Variants in CNPY1 observed in about 807,000 individuals in gnomAD.
CNPY1 encodes canopy FGF signaling regulator 1.
CNPY1 carries 14 observed loss-of-function variants against 14.4 expected under a neutral mutation model. That is an observed-to-expected ratio of 0.97 (90% CI 0.64 to 1.52). CNPY1 has a LOEUF of 1.52. Among genes scored for constraint, CNPY1 ranks in the 40% most tolerant of loss-of-function variants. The probability of loss-of-function intolerance (pLI) is 0.00; values close to 1 mark genes in which losing one functional copy is unlikely to be tolerated. For synonymous variants in CNPY1, 43 were observed against 46.5 expected, an observed-to-expected ratio of 0.92 and a Z score of 0.31; for missense variants, 129 against 131.5, an observed-to-expected ratio of 0.98 and a Z score of 0.09.
chr7:155,534,510 C>G (rs1796999889), intron 2 of CNPY1, among the ~76,000 whole-genome samples: 1 of 152,236 alleles, frequency 6.6e-6, no homozygotes, highest in Non-Finnish European at 1.5e-5. Context: ...GAGTTTCCAC[C>G]CTGGCCTGAT....
At chr7:155,509,258 A>G (rs772907751) in intron 2 of CNPY1, among the ~76,000 whole-genome samples, 161 bp from the exon 3 acceptor site, 8 of 152,222 alleles carry the variant, frequency 5.3e-5, no homozygotes, top group Non-Finnish European at 8.8e-5. Context: ...TGTTATTACA[A>G]TGTAACAACG....
At chr7:155,525,267 G>A (rs923328374) in intron 2 of CNPY1, among the ~76,000 whole-genome samples, 8 of 151,938 alleles carry the variant, frequency 5.3e-5, no homozygotes, top group African/African-American at 1.9e-4. Context: ...TGCAACCTCC[G>A]CCTCCTGGGT....
intron 2 of CNPY1, among the ~76,000 whole-genome samples, chr7:155,544,803 G>T (rs1025560575): frequency 1.3e-5 from 2 of 152,334 alleles, no homozygotes; most frequent in Non-Finnish European, 2.9e-5. Context: ...ATCCATCCTT[G>T]AGTGTGCCTT....
At chr7:155,514,808 C>T (rs1025380612) in intron 2 of CNPY1, among the ~76,000 whole-genome samples, 2 of 152,232 alleles carry the variant, frequency 1.3e-5, no homozygotes, top group South Asian at 2.1e-4. Context: ...GCGGGAGAAT[C>T]GCTTGAACCC....
At chr7:155,532,546 G>A (rs1229931302) in intron 2 of CNPY1, among the ~76,000 whole-genome samples, 3 of 151,956 alleles carry the variant, frequency 2.0e-5, no homozygotes, top group Admixed American at 6.5e-5. Context: ...GCGTGAACCC[G>A]GGAGGCGGAG....
intron 2 of CNPY1, among the ~76,000 whole-genome samples, chr7:155,520,428 C>CTTTTTTTTTTTT (rs71522007): frequency 2.9e-4 from 20 of 69,434 alleles, no homozygotes; most frequent in African/African-American, 3.7e-4. Flanking sequence ...TTCTTTCTTT[C>CTTTTTTTTTTTT]TTTTTTTTTT....
At chr7:155,521,251 A>G (rs1017885739) in intron 2 of CNPY1, among the ~76,000 whole-genome samples, 3 of 152,194 alleles carry the variant, frequency 2.0e-5, no homozygotes, top group Admixed American at 2.0e-4. Flanking sequence ...GATCACATGC[A>G]TTCCGTAAAC....
intron 2 of CNPY1, among the ~76,000 whole-genome samples, chr7:155,515,788 T>C (rs576021026): frequency 1.6e-4 from 24 of 152,228 alleles, no homozygotes; most frequent in Non-Finnish European, 2.9e-4. Flanking sequence ...GTTCATTTTC[T>C]GGTTCCCAGG....
chr7:155,512,883 T>C (rs1396685829), intron 2 of CNPY1, among the ~76,000 whole-genome samples: 3 of 152,262 alleles, frequency 2.0e-5, no homozygotes, highest in Admixed American at 2.0e-4. Context: ...ATTTTCTTTC[T>C]AGAGGTTTAG....
At chr7:155,538,640 G>C (rs1049252041) in intron 2 of CNPY1, among the ~76,000 whole-genome samples, 27 of 152,216 alleles carry the variant, frequency 1.8e-4, no homozygotes, top group African/African-American at 6.3e-4. Context: ...GGCGTTAGAG[G>C]CCCTCCTGAC....
intron 4 of CNPY1, among the ~76,000 whole-genome samples, chr7:155,503,904 TAC>T (rs1796206127): frequency 6.6e-6 from 1 of 152,218 alleles, no homozygotes; most frequent in African/African-American, 2.4e-5. Context: ...ATTTCTAAGT[TAC>T]AGTGCTCTGT....
chr7:155,514,701 C>A (rs1440673888), intron 2 of CNPY1, among the ~76,000 whole-genome samples: 3 of 152,076 alleles, frequency 2.0e-5, no homozygotes, highest in African/African-American at 7.2e-5. Context: ...TCAAGACCAG[C>A]CTGACCAACA....
chr7:155,515,350 CG>C lies in CNPY1; in HGVS notation c.100-6254del, dbSNP rs1411402712. On this transcript the variant is annotated intron_variant, in intron 2 of 4. Transcript: ENST00000636446. ...TCTTTCACATCCTAAGAACAGGCCT[CG>C]GTGATTAGAACAAGAGGCTCTTCCA... Among the ~76,000 whole-genome samples the C allele has an allele frequency of 2.1e-5, 3 of 142,610 alleles. No individual in the cohort carries two copies. In the East Asian group the frequency reaches 7.3e-4, roughly 35 times the overall value. The allele number at this position is 142,610 out of a possible 152,430, so 93.6% of individuals were successfully genotyped here. A position where few individuals can be genotyped will look rare whatever the true frequency, so the allele number is the denominator to read the frequency against.
chr7:155,510,923 A>G (rs982812092), intron 2 of CNPY1, among the ~76,000 whole-genome samples: 5 of 152,272 alleles, frequency 3.3e-5, no homozygotes, highest in Non-Finnish European at 7.3e-5. Context: ...AAGACAGATC[A>G]TTAGCGGAAA....
chr7:155,520,428 C>CTTTTTTTTTT (rs71522007), intron 2 of CNPY1, among the ~76,000 whole-genome samples: 9 of 69,436 alleles, frequency 1.3e-4, no homozygotes, highest in Non-Finnish European at 2.0e-4. Context: ...TTCTTTCTTT[C>CTTTTTTTTTT]TTTTTTTTTT....
At chr7:155,537,323 G>A (rs1448810688) in intron 2 of CNPY1, among the ~76,000 whole-genome samples, 2 of 152,132 alleles carry the variant, frequency 1.3e-5, no homozygotes, top group Non-Finnish European at 2.9e-5. Context: ...GATTGCATCG[G>A]TTCCTGAGGC....
intron 2 of CNPY1, among the ~76,000 whole-genome samples, chr7:155,527,054 C>CTTTCTTTCTTTTTTTT (rs56296833): frequency 4.4e-5 from 4 of 90,342 alleles, no homozygotes; most frequent in African/African-American, 1.5e-4. Flanking sequence ...TTCTTTCTTT[C>CTTTCTTTCTTTTTTTT]TTTTTTTTTT....
At chr7:155,517,812 C>T (rs1438130821) in intron 2 of CNPY1, among the ~76,000 whole-genome samples, 3 of 152,204 alleles carry the variant, frequency 2.0e-5, no homozygotes, top group Admixed American at 1.3e-4. Context: ...AGAACCAGGG[C>T]GATGATATCC....
intron 2 of CNPY1, among the ~76,000 whole-genome samples, chr7:155,517,576 A>G (rs975622414): frequency 1.3e-5 from 2 of 152,174 alleles, no homozygotes; most frequent in East Asian, 3.9e-4. Flanking sequence ...AGAGGCGGCC[A>G]GCAGGTCCAC....
Sources: gnomAD v4.1 joint callset for allele counts (sites outside exome capture counted in the v4.1 genomes callset) on GRCh38, gnomAD v4.1.1 for gene constraint, MANE v1.5 for transcripts, NCBI Gene and HGNC (gene_info 2026-07-23, HGNC 2026-07-21) for gene names.